The following ITPR2 variants were observed in gnomAD, a reference collection of about 807,000 sequenced individuals.
ITPR2 encodes the protein inositol 1,4,5-trisphosphate-gated calcium channel ITPR2.
Under a neutral mutation model 317.1 loss-of-function variants are expected in ITPR2, and 207 were observed. That is an observed-to-expected ratio of 0.65 (90% confidence interval 0.58 to 0.73). ITPR2 has a LOEUF of 0.73. Ranked by LOEUF, ITPR2 falls within the 30% of genes least tolerant of loss-of-function variation. The pLI, the probability that ITPR2 is intolerant of heterozygous loss-of-function variation, is 0.00. For missense variants in ITPR2, 2,613 were observed against 3,284.0 expected (o/e 0.80, Z 4.99); for synonymous variants, 1,156 against 1,149.1 (o/e 1.01, Z -0.12).
Position 26,580,132 on chromosome 12 carries a change from C to T in ITPR2, c.4404G>A (p.Arg1468=), listed in dbSNP as rs894308596. 5 of 1,612,130 alleles carry T rather than the reference C, an allele frequency of 3.1e-6. No homozygotes were observed. The highest frequency in any genetic ancestry group is 4.2e-6 in the Non-Finnish European group (5 of 1,178,768). ...TTTCCAAAAAGATGTCTGCATGTTT[C>T]CTGTCTGTAGTTGTGTTGCAAACCT... ...MARVCNTTTD[R]KHADIFLEKC... Residue 1468 remains arginine, a synonymous_variant, in exon 33 of 57, where the codon AGG becomes AGA. Transcript: ENST00000381340.
chr12:26,682,144 G>A (rs1370556299), intron 12 of ITPR2, 110 bp from the exon 13 acceptor site: 3 of 868,016 alleles, frequency 3.5e-6, no homozygotes, highest in Non-Finnish European at 3.6e-6. Flanking sequence ...TAGATCATCC[G>A]AACACAGTAA....
intron 15 of ITPR2, among the ~76,000 whole-genome samples, chr12:26,660,348 A>G (rs1259081503): frequency 6.6e-6 from 1 of 152,182 alleles, no homozygotes; most frequent in African/African-American, 2.4e-5. Context: ...TAATTTTCCT[A>G]TATCCCAAAC....
At chr12:26,345,885 T>C (rs1028111823) in intron 55 of ITPR2, among the ~76,000 whole-genome samples, 5 of 147,510 alleles carry the variant, frequency 3.4e-5, no homozygotes, top group African/African-American at 1.2e-4. Context: ...AGCAGTTTGA[T>C]TTAGTTTGTT....
chr12:26,654,202 G>T, intron 20 of ITPR2, 76 bp from the exon 21 acceptor site: 1 of 1,185,564 alleles, frequency 8.4e-7, no homozygotes, highest in African/African-American at 1.6e-5. Flanking sequence ...AATAAACATT[G>T]GCTTTTTTAT....
chr12:26,750,213 G>T (rs1262506608), intron 2 of ITPR2, among the ~76,000 whole-genome samples: 1 of 152,136 alleles, frequency 6.6e-6, no homozygotes. Flanking sequence ...AGTAAATTCT[G>T]GATTTTCATT....
At chr12:26,817,180 CAAAAAAAA>C (rs11422176) in intron 1 of ITPR2, among the ~76,000 whole-genome samples, 1 of 57,672 alleles carries the variant, frequency 1.7e-5, no homozygotes, top group Non-Finnish European at 3.1e-5. Flanking sequence ...GAGTCTCTTT[CAAAAAAAA>C]AAAAAAAAAA....
chr12:26,561,981 C>T (rs1944833628), intron 34 of ITPR2, 29 bp from the exon 35 acceptor site: 3 of 1,448,506 alleles, frequency 2.1e-6, no homozygotes, highest in Admixed American at 5.4e-5. Flanking sequence ...AAATATTTCC[C>T]TCTTAATTTG....
rs375372060 is a variant in ITPR2, at chr12:26,724,635, C to T, written c.366+21G>A. 6.3e-4 allele frequency: 912 copies of T among 1,438,876 alleles called. 1 individual carries two copies. The highest frequency in any genetic ancestry group is 8.2e-4 in the Non-Finnish European group (840 of 1,028,442). 89.1% of individuals were successfully genotyped at this position (1,438,876 alleles called of 1,614,324 possible). ...CAAACTCCACATAAAATACTCACCT[C>T]GTTTAAGAGAAAATACTTACTTGTA... On this transcript the variant is annotated intron_variant, in intron 4 of 56. Transcript: ENST00000381340.
In ITPR2 at chr12:26,373,100, C is replaced by T. The variant is rs139899764; in HGVS notation, c.7857+14334G>A. Among the ~76,000 whole-genome samples the T allele has an allele frequency of 9.9e-5, 15 of 152,262 alleles. No individual in the cohort carries two copies. In the East Asian group the frequency reaches 2.9e-3, roughly 29 times the overall value. ...GGAAAGCTGATCCACATATGATCCC[C>T]CCAAGGAATACAATGGAAATAGTCA... On this transcript the variant is annotated intron_variant, in intron 55 of 56. Transcript: ENST00000381340.
chr12:26,438,431 T>C (rs1004268485), intron 47 of ITPR2, among the ~76,000 whole-genome samples: 1 of 152,184 alleles, frequency 6.6e-6, no homozygotes, highest in Admixed American at 6.5e-5. Flanking sequence ...GAAAAAGACC[T>C]ACTCAAGAGT....
intron 55 of ITPR2, among the ~76,000 whole-genome samples, chr12:26,351,222 G>A (rs986583136): frequency 6.6e-6 from 1 of 152,188 alleles, no homozygotes; most frequent in African/African-American, 2.4e-5. Context: ...GAGAGGGGAG[G>A]TGGAGTCCAG....
intron 55 of ITPR2, among the ~76,000 whole-genome samples, chr12:26,352,550 T>C (rs530525870): frequency 4.7e-4 from 72 of 152,280 alleles, no homozygotes; most frequent in African/African-American, 1.6e-3. Context: ...CAGGAGTCCA[T>C]GTGGGCACTG....
intron 2 of ITPR2, among the ~76,000 whole-genome samples, chr12:26,739,502 A>G (rs1384937197): frequency 6.6e-6 from 1 of 152,252 alleles, no homozygotes; most frequent in East Asian, 1.9e-4. Flanking sequence ...CTGATCCTGA[A>G]CATGGATGAA....
At chr12:26,482,240 AAGAG>A (rs1942558426) in intron 42 of ITPR2, among the ~76,000 whole-genome samples, 1 of 152,148 alleles carries the variant, frequency 6.6e-6, no homozygotes. Context: ...CCCAAACTTA[AAGAG>A]AATCTTTTTG....
chr12:26,520,499 C>T (rs78952100), intron 37 of ITPR2, among the ~76,000 whole-genome samples: 2,944 of 152,296 alleles, frequency 0.019, 53 homozygotes, highest in African/African-American at 0.046. Context: ...TTTTCCAACA[C>T]GCCTTTCCCT....
intron 9 of ITPR2, among the ~76,000 whole-genome samples, chr12:26,706,094 C>T (rs1948545062): frequency 6.6e-6 from 1 of 152,190 alleles, no homozygotes; most frequent in East Asian, 1.9e-4. Context: ...ACCAAGGCTC[C>T]AGAGCAGTGC....
chr12:26,737,289 C>G (rs12811022), intron 2 of ITPR2, among the ~76,000 whole-genome samples: 31,772 of 150,994 alleles, frequency 0.21, 3,471 homozygotes, highest in Non-Finnish European at 0.24. Context: ...TACGGAGCCT[C>G]GCTCTGTCAC....
At chr12:26,398,820 C>T in intron 54 of ITPR2, 56 bp downstream of exon 54, 3 of 1,449,670 alleles carry the variant, frequency 2.1e-6, no homozygotes, top group Admixed American at 4.6e-5. Flanking sequence ...CCTCTAGCCC[C>T]TCTTTCCTGC....
rs117812993 is a variant in ITPR2, at chr12:26,717,226, A to G, written c.526-984T>C. Reference sequence around the variant, plus strand: ...TAAATTAGTTTGATAGATAAATGATAAAACAAATCAGGATTCAGTCGATAT... The same window carrying G: ...TAAATTAGTTTGATAGATAAATGATGAAACAAATCAGGATTCAGTCGATAT... On this transcript the variant is annotated intron_variant, in intron 5 of 56. Transcript: ENST00000381340. Among the ~76,000 whole-genome samples, 15 of 152,348 alleles carry G rather than the reference A, an allele frequency of 9.8e-5. No individual in the cohort carries two copies. In the East Asian group the frequency reaches 2.9e-3, roughly 29 times the overall value.
Sources: gnomAD v4.1 joint callset for allele counts (sites outside exome capture counted in the v4.1 genomes callset) on GRCh38, gnomAD v4.1.1 for gene constraint, MANE v1.5 for transcripts, NCBI Gene and HGNC (gene_info 2026-07-23, HGNC 2026-07-21) for gene names.